The following STXBP5L variants were observed in gnomAD, a reference collection of about 807,000 sequenced individuals.
The protein encoded by STXBP5L is syntaxin binding protein 5L, also known as syntaxin-binding protein 5-like.
STXBP5L carries 65 observed loss-of-function variants against 144.5 expected under a neutral mutation model. The ratio of observed to expected loss-of-function variants is 0.45; its 90% CI spans 0.37 to 0.55. The LOEUF (loss-of-function observed/expected upper bound fraction) is 0.55. Ranked by LOEUF, STXBP5L falls within the 20% of genes least tolerant of loss-of-function variation. STXBP5L has a pLI of 0.00. For missense variants in STXBP5L, 1,298 were observed against 1,405.5 expected (o/e 0.92, Z 1.22); for synonymous variants, 505 against 469.6 (o/e 1.08, Z -0.97).
At chr3:121,148,269 A>G (rs1366353068) in intron 7 of STXBP5L, among the ~76,000 whole-genome samples, 3 of 152,162 alleles carry the variant, frequency 2.0e-5, no homozygotes, top group African/African-American at 7.2e-5. Flanking sequence ...CTGATCAAGA[A>G]TGAAAGAGAA....
chr3:121,188,499 CAA>C (rs34216668), intron 9 of STXBP5L, among the ~76,000 whole-genome samples: 12 of 147,042 alleles, frequency 8.2e-5, no homozygotes, highest in Non-Finnish European at 1.2e-4. Context: ...AGAGACACAG[CAA>C]AAAAAAAAAA....
intron 3 of STXBP5L, among the ~76,000 whole-genome samples, chr3:121,011,748 A>G (rs1944790014): frequency 6.6e-6 from 1 of 151,484 alleles, no homozygotes; most frequent in South Asian, 2.1e-4. Flanking sequence ...GACACTTATA[A>G]TGAATTTGTT....
At chr3:120,936,966 G>A (rs1391737525) in intron 2 of STXBP5L, among the ~76,000 whole-genome samples, 1 of 152,146 alleles carries the variant, frequency 6.6e-6, no homozygotes, top group Non-Finnish European at 1.5e-5. Context: ...TAGTGAGCCT[G>A]TGTCCTTGGG....
At chr3:121,338,607 AAAGAGAGAAAGAGAGAAAGAAAGAAAG>A (rs2044593816) in intron 20 of STXBP5L, among the ~76,000 whole-genome samples, 1 of 148,260 alleles carries the variant, frequency 6.7e-6, no homozygotes, top group Admixed American at 6.8e-5. Flanking sequence ...AAAAAAAAAA[AAAGAGAGAAAGAGAGAAAGAAAGAAAG>A]AAAGAGAAAG....
intron 9 of STXBP5L, among the ~76,000 whole-genome samples, chr3:121,193,802 A>T (rs1432309269): frequency 6.6e-6 from 1 of 152,098 alleles, no homozygotes; most frequent in Non-Finnish European, 1.5e-5. Flanking sequence ...GACAGGGAAC[A>T]TCATGCATGG....
At chr3:120,973,150 G>A (rs1940476975) in intron 3 of STXBP5L, among the ~76,000 whole-genome samples, 1 of 152,206 alleles carries the variant, frequency 6.6e-6, no homozygotes, top group African/African-American at 2.4e-5. Context: ...ACCACCATAA[G>A]TTCTTTTTTG....
chr3:121,211,394 C>G (rs1159667214), intron 10 of STXBP5L, among the ~76,000 whole-genome samples: 1 of 152,068 alleles, frequency 6.6e-6, no homozygotes, highest in Non-Finnish European at 1.5e-5. Context: ...TTGACTTCCT[C>G]TTTTCCCAAT....
At chr3:121,242,370 A>G (rs755223461) in intron 14 of STXBP5L, among the ~76,000 whole-genome samples, 13 of 152,188 alleles carry the variant, frequency 8.5e-5, no homozygotes, top group Non-Finnish European at 1.8e-4. Flanking sequence ...GATATTTAAC[A>G]CAATTATAAA....
At chr3:121,374,942 A>T (rs1057177064) in intron 20 of STXBP5L, among the ~76,000 whole-genome samples, 5 of 148,632 alleles carry the variant, frequency 3.4e-5, no homozygotes, top group Admixed American at 6.8e-5. Flanking sequence ...ATTCTAACTT[A>T]TAAGTGGGAG....
rs747259649 is a variant in STXBP5L, at chr3:121,381,519, G to T, written c.2574G>T (p.Met858Ile). ...AACAAAGGTTTACAGAGCCAGTCAT[G>T]GTATTGCCAAGTGGTAAGAGTTTGT... The part of the protein sequence containing the change: ...ADEQRFTEPV[M>I]VLPSGTFLSL... Residue 858 changes from methionine (M) to isoleucine (I), a missense_variant, in exon 22 of 27, where the codon ATG becomes ATT. Physicochemically the swap from Met to Ile is conservative, Grantham distance 10. Transcript: ENST00000471454. 6.3e-7 allele frequency: 1 copy of T among 1,590,768 alleles called. No homozygotes were observed. The highest frequency in any genetic ancestry group is 1.2e-5 in the South Asian group (1 of 85,866).
chr3:121,274,858 C>G (rs1268827849), intron 18 of STXBP5L, among the ~76,000 whole-genome samples: 1 of 152,072 alleles, frequency 6.6e-6, no homozygotes, highest in African/African-American at 2.4e-5. Flanking sequence ...CAGGGTGTAT[C>G]AGAGGCCTGT....
chr3:121,249,922 T>C (rs1253908783), intron 14 of STXBP5L, among the ~76,000 whole-genome samples: 1 of 152,132 alleles, frequency 6.6e-6, no homozygotes, highest in African/African-American at 2.4e-5. Context: ...TCATGTCAAA[T>C]GCTTTTTCTG....
Position 120,975,871 on chromosome 3 carries a change from G to A in STXBP5L, c.287+20834G>A, listed in dbSNP as rs866230311. 1.2e-3 allele frequency among the ~76,000 whole-genome samples: 190 copies of A among 152,190 alleles called. 1 individual carries two copies. The Middle Eastern group carries it at 0.02, about 16-fold the overall frequency. On this transcript the variant is annotated intron_variant, in intron 3 of 26. Transcript: ENST00000471454. ...TTATTGATTTGTGTATATTGAACCA[G>A]CCTTGCATCCCAGGGATGAAGCCCA...
intron 7 of STXBP5L, among the ~76,000 whole-genome samples, chr3:121,152,075 A>G (rs2045953300): frequency 6.6e-6 from 1 of 152,078 alleles, no homozygotes. Flanking sequence ...TTGGTAGAAG[A>G]AATTTGAAGC....
chr3:121,276,241 G>A (rs952287241), intron 18 of STXBP5L, among the ~76,000 whole-genome samples: 1 of 151,704 alleles, frequency 6.6e-6, no homozygotes, highest in Non-Finnish European at 1.5e-5. Context: ...ATAAATAAAT[G>A]GAATGATACC....
At chr3:121,320,433 C>T (rs1450948415) in intron 20 of STXBP5L, among the ~76,000 whole-genome samples, 2 of 151,746 alleles carry the variant, frequency 1.3e-5, no homozygotes, top group Non-Finnish European at 2.9e-5. Context: ...AAGTATGCCC[C>T]TTGTGAAAAT....
chr3:121,046,488 C>G (rs940544185), intron 5 of STXBP5L, among the ~76,000 whole-genome samples: 1 of 152,066 alleles, frequency 6.6e-6, no homozygotes, highest in Non-Finnish European at 1.5e-5. Context: ...CATTCTTGTC[C>G]TGGGTCCTTT....
intron 5 of STXBP5L, among the ~76,000 whole-genome samples, chr3:121,050,607 C>T (rs1481320620): frequency 6.6e-6 from 1 of 152,162 alleles, no homozygotes; most frequent in African/African-American, 2.4e-5. Context: ...AAAGGAACAA[C>T]CGGTACCAGC....
rs60150188 is a variant in STXBP5L at position 121,264,805 on chromosome 3, C to CAA, written c.1958+5653_1958+5654dup. Among the ~76,000 whole-genome samples, 921 of 114,358 alleles carry CAA rather than the reference C, an allele frequency of 8.1e-3. 5 individuals are homozygous for CAA. Among genetic ancestry groups the CAA allele is most frequent in the Non-Finnish European group, 0.012 (658 of 54,790 alleles). The allele number at this position is 114,358 out of a possible 152,430, so 75.0% of individuals were successfully genotyped here. On this transcript the variant is annotated intron_variant, in intron 18 of 26. Coordinates refer to ENST00000471454, the MANE Select transcript of STXBP5L (RefSeq NM_001308330.2). ...ATGTTTACCAAGCTAATGGAAAGCA[C>CAA]AAAAAAAAAAAAAAAAAGATTGCAA...
Sources: allele counts gnomAD v4.1 joint callset (sites outside exome capture counted in the v4.1 genomes callset), GRCh38; gene constraint gnomAD v4.1.1; transcripts MANE v1.5; gene names NCBI Gene and HGNC (gene_info 2026-07-23, HGNC 2026-07-21).